The following MRTFA variants were observed in gnomAD, a reference collection of about 807,000 sequenced individuals.
The protein encoded by MRTFA is myocardin related transcription factor A, also known as myocardin-related transcription factor A.
In MRTFA, 20 loss-of-function variants were observed where a neutral mutation model predicts 83.5. That is an observed-to-expected ratio of 0.24 (90% CI 0.17 to 0.35). The LOEUF is 0.35. Among genes scored for constraint, MRTFA ranks in the 10% least tolerant of loss-of-function variants. The probability of loss-of-function intolerance (pLI) is 1.00; values close to 1 mark genes in which losing one functional copy is unlikely to be tolerated. For missense variants in MRTFA, 1,200 were observed against 1,224.7 expected, an observed-to-expected ratio of 0.98 and a Z score of 0.30; for synonymous variants, 659 against 541.2, an observed-to-expected ratio of 1.22 and a Z score of -3.02.
At chr22:40,606,650 G>A (rs1424248191) in intron 1 of MRTFA, among the ~76,000 whole-genome samples, 1 of 152,194 alleles carries the variant, frequency 6.6e-6, no homozygotes, top group African/African-American at 2.4e-5. Flanking sequence ...TTGTGTGTGT[G>A]TGCATGTGTA....
chr22:40,452,141 A>C (rs1186684926), intron 4 of MRTFA, among the ~76,000 whole-genome samples: 1 of 151,674 alleles, frequency 6.6e-6, no homozygotes, highest in South Asian at 2.1e-4. Flanking sequence ...GTGCCATCAC[A>C]CCCAGCTAAT....
chr22:40,444,162 TAACATATTACA>T (rs906739178), intron 4 of MRTFA, among the ~76,000 whole-genome samples: 11 of 152,282 alleles, frequency 7.2e-5, no homozygotes, highest in African/African-American at 2.6e-4. Flanking sequence ...CAGAGACTCC[TAACATATTACA>T]AACATATTAC....
In MRTFA at chr22:40,431,498, C is replaced by A; in HGVS notation, c.364-18G>T. 6.2e-7 allele frequency: 1 copy of A among 1,611,988 alleles called. No individual in the cohort carries two copies. The highest frequency in any genetic ancestry group is 8.5e-7 in the Non-Finnish European group (1 of 1,178,202). ...TCCTCTGTCTACAGAAAAAACACACCAAGAAACTCTCAAATCCAGGTCACA... is the reference window on the plus strand; with the variant it reads ...TCCTCTGTCTACAGAAAAAACACACAAAGAAACTCTCAAATCCAGGTCACA... On this transcript the variant is annotated intron_variant, in intron 5 of 14. Coordinates refer to ENST00000355630, the MANE Select transcript of MRTFA (RefSeq NM_020831.6).
At chr22:40,536,305 T>C (rs1235765428) in intron 3 of MRTFA, among the ~76,000 whole-genome samples, 2 of 151,770 alleles carry the variant, frequency 1.3e-5, no homozygotes, top group Non-Finnish European at 2.9e-5. Flanking sequence ...CCTGTCTCAA[T>C]AAATAAATAA....
intron 14 of MRTFA, among the ~76,000 whole-genome samples, chr22:40,413,314 A>T (rs529190145): frequency 1.3e-5 from 2 of 151,444 alleles, no homozygotes; most frequent in East Asian, 3.9e-4. Flanking sequence ...CAACAAAAAA[A>T]GGTAAATTTT....
At chr22:40,617,099 C>A (rs936852002) in intron 1 of MRTFA, among the ~76,000 whole-genome samples, 1 of 147,516 alleles carries the variant, frequency 6.8e-6, no homozygotes. Context: ...TGAGCCTCTA[C>A]CCCAGAAAAG....
Position 40,411,433 on chromosome 22 carries a change from A to T in MRTFA, c.3053T>A (p.Leu1018His). ...GTGCAGCTGCAAATCATGGCCATCG[A>T]GGAAGTCTGTGGAGAAGAGGCTGGG... Residue 1018 changes from leucine to histidine, a missense_variant, in exon 15 of 15, where the codon CTC becomes CAC. Transcript: ENST00000355630. 6.3e-7 allele frequency: 1 copy of T among 1,582,812 alleles called. No individual in the cohort carries two copies. Among genetic ancestry groups the T allele is most frequent in the Non-Finnish European group, 8.6e-7 (1 of 1,157,284 alleles).
At chr22:40,636,351 G>C (rs2056699555) in intron 1 of MRTFA, 127 bp downstream of exon 1, 1 of 152,338 alleles carries the variant, frequency 6.6e-6, no homozygotes, top group Non-Finnish European at 1.5e-5. Flanking sequence ...AAGAGGGCAG[G>C]GGACGCGAGG....
intron 3 of MRTFA, among the ~76,000 whole-genome samples, chr22:40,479,271 A>G (rs1296702542): frequency 6.6e-6 from 1 of 152,124 alleles, no homozygotes; most frequent in Non-Finnish European, 1.5e-5. Context: ...GGGAGAATGC[A>G]TTTGCATAAT....
intron 1 of MRTFA, among the ~76,000 whole-genome samples, chr22:40,620,622 G>A (rs1373311902): frequency 1.3e-5 from 2 of 152,020 alleles, no homozygotes; most frequent in African/African-American, 4.8e-5. Context: ...AAAGCATGCT[G>A]TGGAGAGAAA....
chr22:40,418,451 T>G lies in MRTFA; in HGVS notation c.2287A>C (p.Thr763Pro). 6.2e-7 allele frequency: 1 copy of G among 1,613,940 alleles called. No individual in the cohort carries two copies. The highest frequency in any genetic ancestry group is 8.5e-7 in the Non-Finnish European group (1 of 1,179,898). ...ACGGTGAGGACAAGGTGGGTCCCTG[T>G]GGAGTCGGTGATGAGGGTGGGAGGT... Residue 763 changes from threonine (T) to proline (P), a missense_variant, in exon 12 of 15, where the codon ACA becomes CCA. Around this residue, in one of 2 missense-constraint regions of MRTFA, gnomAD observed 1,107 missense variants for 1,041.8 expected, o/e 1.06. Coordinates refer to ENST00000355630, the MANE Select transcript of MRTFA (RefSeq NM_020831.6).
At chr22:40,449,274 G>GAAAAAAAAAAAAAAAAA (rs35140973) in intron 4 of MRTFA, among the ~76,000 whole-genome samples, 2 of 88,008 alleles carry the variant, frequency 2.3e-5, no homozygotes, top group Admixed American at 1.3e-4. Flanking sequence ...CTCCAAACGA[G>GAAAAAAAAAAAAAAAAA]AAAAAAAAAA....
chr22:40,492,045 C>A (rs751807421), intron 3 of MRTFA, among the ~76,000 whole-genome samples: 1 of 151,122 alleles, frequency 6.6e-6, no homozygotes, highest in Non-Finnish European at 1.5e-5. Flanking sequence ...TGTCCTTTCT[C>A]GGCTTCAGGA....
intron 2 of MRTFA, among the ~76,000 whole-genome samples, chr22:40,591,544 AAGG>A (rs1363266871): frequency 6.6e-6 from 1 of 152,204 alleles, no homozygotes; most frequent in Non-Finnish European, 1.5e-5. Flanking sequence ...CCTTACTTCA[AAGG>A]AAGTTTAAAA....
chr22:40,455,519 G>A (rs1403716240), intron 4 of MRTFA, among the ~76,000 whole-genome samples: 1 of 152,008 alleles, frequency 6.6e-6, no homozygotes, highest in African/African-American at 2.4e-5. Context: ...GGTGGCGGGT[G>A]CCCGTAGTCC....
intron 4 of MRTFA, chr22:40,436,210 C>T (rs980529275): frequency 1.9e-5 from 3 of 155,006 alleles, no homozygotes; most frequent in South Asian, 2.0e-4. Flanking sequence ...ACTCCAAGAA[C>T]GCCTGCTAGG....
intron 4 of MRTFA, among the ~76,000 whole-genome samples, chr22:40,461,985 A>C (rs945079760): frequency 6.6e-6 from 1 of 152,134 alleles, no homozygotes; most frequent in Non-Finnish European, 1.5e-5. Context: ...AGGCCCAGAC[A>C]CTTGCTTTTT....
chr22:40,518,823 C>A (rs2054808469), intron 3 of MRTFA, among the ~76,000 whole-genome samples: 1 of 141,964 alleles, frequency 7.0e-6, no homozygotes, highest in Non-Finnish European at 1.5e-5. Context: ...AAAAAAAAAC[C>A]AGTGTCTGTC....
intron 3 of MRTFA, among the ~76,000 whole-genome samples, chr22:40,509,814 T>C (rs942536996): frequency 6.6e-6 from 1 of 151,836 alleles, no homozygotes; most frequent in African/African-American, 2.4e-5. Flanking sequence ...GAAAAAATAC[T>C]GCCAACTTCA....
Sources: gnomAD v4.1 joint callset for allele counts (sites outside exome capture counted in the v4.1 genomes callset) on GRCh38, gnomAD v4.1.1 for gene constraint, gnomAD v4.1.1 regional missense constraint, MANE v1.5 for transcripts, NCBI Gene and HGNC (gene_info 2026-07-23, HGNC 2026-07-21) for gene names.